MYOZ1: variants seen among roughly 807,000 people sequenced by gnomAD.
The protein encoded by MYOZ1 is myozenin-1.
Under a neutral mutation model 28.7 loss-of-function variants are expected in MYOZ1, and 20 were observed. That is an observed-to-expected ratio of 0.70 (90% confidence interval 0.49 to 1.01). MYOZ1 has a LOEUF of 1.01. MYOZ1 is among the 50% of genes least tolerant of loss of function. MYOZ1 has a pLI of 0.00. For missense variants in MYOZ1, 371 were observed against 372.4 expected, an observed-to-expected ratio of 1.00 and a Z score of 0.03; for synonymous variants, 144 against 145.8, an observed-to-expected ratio of 0.99 and a Z score of 0.09.
chr10:73,633,950 C>T lies in MYOZ1; in HGVS notation c.618G>A (p.Leu206=). The change falls in exon 5 of 6, where the codon CTG becomes CTA. Residue 206 remains leucine, a synonymous_variant. Coordinates refer to ENST00000359322, the MANE Select transcript of MYOZ1 (RefSeq NM_021245.4). The part of the protein sequence containing the change: ...PQQKMELGID[L]LAYGAKAELP... The stretch of plus-strand genomic sequence containing the variant: ...GTTCAGCTTTGGCCCCATAGGCCAG[C>T]AGGTCAATGCCAAGTTCCATTTTTT... 1 of 1,613,792 alleles carries T rather than the reference C, an allele frequency of 6.2e-7. No individual in the cohort carries two copies. Among genetic ancestry groups the T allele is most frequent in the Non-Finnish European group, 8.5e-7 (1 of 1,179,890 alleles).
chr10:73,640,208 G>A (rs879097386), intron 1 of MYOZ1, among the ~76,000 whole-genome samples, 173 bp from the exon 2 acceptor site: 18 of 152,262 alleles, frequency 1.2e-4, no homozygotes, highest in Middle Eastern at 3.4e-3. Context: ...GAGTGCAATG[G>A]CACAATCATG....
intron 3 of MYOZ1, among the ~76,000 whole-genome samples, chr10:73,635,306 A>G (rs1376396092): frequency 6.6e-6 from 1 of 151,366 alleles, no homozygotes; most frequent in Non-Finnish European, 1.5e-5. Context: ...CGTGTTCTCC[A>G]CACTCCCCTT....
chr10:73,634,877 G>T, intron 3 of MYOZ1, 144 bp from the exon 4 acceptor site: 1 of 900,398 alleles, frequency 1.1e-6, no homozygotes, highest in Non-Finnish European at 1.6e-6. Context: ...TTGATGGGTA[G>T]TACATGGGCT....
At chr10:73,633,832 C>T in intron 5 of MYOZ1, 68 bp downstream of exon 5, 2 of 1,487,322 alleles carry the variant, frequency 1.3e-6, no homozygotes, top group Non-Finnish European at 1.8e-6. Context: ...TTGAATTAGT[C>T]TCCATCCTAA....
At chr10:73,637,010 CTTTCTTTTTTT>C in intron 3 of MYOZ1, among the ~76,000 whole-genome samples, 1 of 137,498 alleles carries the variant, frequency 7.3e-6, no homozygotes, top group South Asian at 2.3e-4. Context: ...TTTCTTTTTT[CTTTCTTTTTTT>C]TTTTTTTTTG....
rs778651244 is a variant in MYOZ1 at position 73,633,966 on chromosome 10, T to A, written c.602A>T (p.Glu201Val). 1.9e-6 allele frequency: 3 copies of A among 1,614,058 alleles called. No individual in the cohort carries two copies. The highest frequency in any genetic ancestry group is 2.5e-6 in the Non-Finnish European group (3 of 1,179,978). Residue 201 changes from glutamate (E) to valine (V), a missense_variant, in exon 5 of 6, where the codon GAA becomes GTA. Physicochemically the swap from Glu to Val is moderately radical, Grantham distance 121. Transcript: ENST00000359322. ...AMGVDPQQKM[E>V]LGIDLLAYGA... Reference sequence around the variant, plus strand: ...ATAGGCCAGCAGGTCAATGCCAAGTTCCATTTTTTGCTGGGGGTCAACCCC... The same window carrying A: ...ATAGGCCAGCAGGTCAATGCCAAGTACCATTTTTTGCTGGGGGTCAACCCC...
rs753451046 is a variant in MYOZ1, at chr10:73,631,891, CAG to C, written c.*37_*38del. On this transcript the variant is annotated 3_prime_UTR_variant, in exon 6 of 6. Coordinates refer to ENST00000359322, the MANE Select transcript of MYOZ1 (RefSeq NM_021245.4). ...CAGCATTCCCTCTCCAAATTGGAGC[CAG>C]AGAGGGGAAATGATGCAAATCAGAG... 154 of 1,558,560 alleles carry C rather than the reference CAG, an allele frequency of 9.9e-5. 3 individuals carry two copies. The South Asian group carries it at 1.7e-3, about 17-fold the overall frequency.
intron 3 of MYOZ1, among the ~76,000 whole-genome samples, chr10:73,634,952 T>C (rs1564983864): frequency 6.6e-6 from 1 of 152,182 alleles, no homozygotes; most frequent in Non-Finnish European, 1.5e-5. Flanking sequence ...TAGACAGAGT[T>C]TCGCCCTTGT....
At position 73,634,616 on chromosome 10, in the gene MYOZ1, C is replaced by A; in HGVS notation, c.370G>T (p.Ala124Ser). ...GGSQAGGSGS[A>S]GQYGSDQQHH... Reference sequence around the variant, plus strand: ...TGCTGATCAGAGCCATACTGTCCGGCAGAGCCACTGCCCCCTGCCTGGCTG... The same window carrying A: ...TGCTGATCAGAGCCATACTGTCCGGAAGAGCCACTGCCCCCTGCCTGGCTG... Residue 124 changes from alanine to serine, a missense_variant, in exon 4 of 6, where the codon GCC becomes TCC. Ala to Ser is a moderately conservative substitution (Grantham distance 99). Transcript: ENST00000359322. The A allele has an allele frequency of 6.2e-7, 1 of 1,614,194 alleles. No individual in the cohort carries two copies. The highest frequency in any genetic ancestry group is 8.5e-7 in the Non-Finnish European group (1 of 1,180,036).
At chr10:73,640,921 C>G (rs1225146283) in intron 1 of MYOZ1, among the ~76,000 whole-genome samples, 5 of 152,152 alleles carry the variant, frequency 3.3e-5, no homozygotes, top group Non-Finnish European at 5.9e-5. Flanking sequence ...CCGCCACAGA[C>G]CCCAGAGTGG....
chr10:73,634,997 T>C (rs2081658875), intron 3 of MYOZ1, among the ~76,000 whole-genome samples: 1 of 152,152 alleles, frequency 6.6e-6, no homozygotes, highest in Non-Finnish European at 1.5e-5. Flanking sequence ...CGATCTCGGC[T>C]CACCGCAACC....
chr10:73,639,976 T>G lies in MYOZ1; in HGVS notation c.42A>C (p.Lys14Asn). Residue 14 changes from lysine to asparagine, a missense_variant, in exon 2 of 6, where the codon AAA becomes AAC. Coordinates refer to ENST00000359322, the MANE Select transcript of MYOZ1 (RefSeq NM_021245.4). ...TGAGTTCCATGATCAGCTTGCTGGATTTCCTCTTCTTATTAGGGGCCGGGG... is the reference window on the plus strand; with the variant it reads ...TGAGTTCCATGATCAGCTTGCTGGAGTTCCTCTTCTTATTAGGGGCCGGGG... ...SGTPAPNKKR[K>N]SSKLIMELTG... The G allele has an allele frequency of 1.2e-6, 2 of 1,613,972 alleles. No homozygotes were observed. The highest frequency in any genetic ancestry group is 1.7e-6 in the Non-Finnish European group (2 of 1,179,948).
At chr10:73,635,981 A>G (rs2081664969) in intron 3 of MYOZ1, among the ~76,000 whole-genome samples, 1 of 152,088 alleles carries the variant, frequency 6.6e-6, no homozygotes, top group Non-Finnish European at 1.5e-5. Context: ...GTACACCCCA[A>G]TGCTCCACCC....
intron 3 of MYOZ1, among the ~76,000 whole-genome samples, chr10:73,635,905 G>A (rs1374530169): frequency 6.6e-6 from 1 of 152,168 alleles, no homozygotes; most frequent in East Asian, 1.9e-4. Flanking sequence ...AACATTAGAT[G>A]CAAACCCAAA....
rs780759330 is a variant in MYOZ1 at position 73,634,689 on chromosome 10, G to T, written c.297C>A (p.Gly99=). ...KFLPTVGGQL[G]TAGQGFSYSK... is the part of the protein sequence containing the mutation. ...TGTATGAGAATCCCTGACCAGCTGT[G>T]CCCAGCTGTCCCCCCACTGTTGGAA... The change falls in exon 4 of 6, where the codon GGC becomes GGA. Residue 99 remains glycine, a synonymous_variant. Coordinates refer to ENST00000359322, the MANE Select transcript of MYOZ1 (RefSeq NM_021245.4). 2.5e-6 allele frequency: 4 copies of T among 1,614,196 alleles called. No homozygotes were observed. In the South Asian group the frequency reaches 3.3e-5, roughly 13 times the overall value.
chr10:73,632,897 A>G (rs958196062), intron 5 of MYOZ1, among the ~76,000 whole-genome samples: 3 of 152,072 alleles, frequency 2.0e-5, no homozygotes, highest in Non-Finnish European at 4.4e-5. Flanking sequence ...GCTCCTTAGG[A>G]CCAAATACAA....
Position 73,631,764 on chromosome 10 carries a change from A to T in MYOZ1, c.*166T>A, listed in dbSNP as rs2081636196. 3.2e-6 allele frequency: 2 copies of T among 624,912 alleles called. No homozygotes were observed. Among genetic ancestry groups the T allele is most frequent in the Admixed American group, 5.8e-5 (2 of 34,630 alleles). The allele number at this position is 624,912 out of a possible 1,614,324, so 38.7% of individuals were successfully genotyped here. A position where few individuals can be genotyped will look rare whatever the true frequency, so the allele number is the denominator to read the frequency against. On this transcript the variant is annotated 3_prime_UTR_variant, in exon 6 of 6. Transcript: ENST00000359322. Reference sequence around the variant, plus strand: ...GGGAGCTCTGAGTTGGTGAGGAAGGATGCGTGGAGTGGGGACTTGGAGTAA... The same window carrying T: ...GGGAGCTCTGAGTTGGTGAGGAAGGTTGCGTGGAGTGGGGACTTGGAGTAA...
In MYOZ1 at chr10:73,632,075, C is replaced by A. The variant is rs2132403758; in HGVS notation, c.755G>T (p.Ser252Ile). 6.2e-7 allele frequency: 1 copy of A among 1,614,146 alleles called. No homozygotes were observed. The highest frequency in any genetic ancestry group is 8.5e-7 in the Non-Finnish European group (1 of 1,180,028). Residue 252 changes from serine (S) to isoleucine (I), a missense_variant, in exon 6 of 6, where the codon AGT becomes ATT. Ser to Ile is a moderately radical substitution (Grantham distance 142). Coordinates refer to ENST00000359322, the MANE Select transcript of MYOZ1 (RefSeq NM_021245.4). ...TTGGTTGTAGAGGACCAGGGGTTCA[C>A]TCAGCAAGGGCCCCAGGTCAAACTT... is the stretch of plus-strand genomic sequence containing the variant. Reference protein sequence around the residue: ...MPKFDLGPLLSEPLVLYNQNL... With the variant: ...MPKFDLGPLLIEPLVLYNQNL...
At chr10:73,634,868 TG>T in intron 3 of MYOZ1, 135 bp from the exon 4 acceptor site, 1 of 973,942 alleles carries the variant, frequency 1.0e-6, no homozygotes, top group South Asian at 1.7e-5. Context: ...CCCCTCCAGT[TG>T]ATGGGTAGTA....
Sources: gnomAD v4.1 joint callset for allele counts (sites outside exome capture counted in the v4.1 genomes callset) on GRCh38, gnomAD v4.1.1 for gene constraint, MANE v1.5 for transcripts, NCBI Gene and HGNC (gene_info 2026-07-23, HGNC 2026-07-21) for gene names.